Variants in COG5 observed in about 807,000 individuals in gnomAD.
COG5 encodes component of oligomeric golgi complex 5, also known as conserved oligomeric Golgi complex subunit 5.
In COG5, 86 loss-of-function variants were observed where a neutral mutation model predicts 110.4. That is an observed-to-expected ratio of 0.78 (90% confidence interval 0.65 to 0.93). The LOEUF is 0.93. Among genes scored for constraint, COG5 ranks in the 40% least tolerant of loss-of-function variants. COG5 has a pLI of 0.00. For missense variants in COG5, 1,077 were observed against 987.0 expected (o/e 1.09, Z -1.22); for synonymous variants, 360 against 334.6 (o/e 1.08, Z -0.83).
chr7:107,294,956 TATATAC>T (rs1168304826), intron 12 of COG5, among the ~76,000 whole-genome samples: 2 of 128,910 alleles, frequency 1.6e-5, no homozygotes, highest in African/African-American at 2.9e-5. Context: ...CACACATATA[TATATAC>T]ACACATATAT....
intron 6 of COG5, among the ~76,000 whole-genome samples, chr7:107,440,855 T>G (rs943287969): frequency 6.6e-6 from 1 of 152,166 alleles, no homozygotes; most frequent in African/African-American, 2.4e-5. Flanking sequence ...ATATATCTTT[T>G]CTATTTGGCT....
intron 17 of COG5, among the ~76,000 whole-genome samples, chr7:107,242,444 G>C (rs1171503650): frequency 6.6e-6 from 1 of 152,184 alleles, no homozygotes; most frequent in Admixed American, 6.5e-5. Flanking sequence ...ATGGGTACCT[G>C]TTCCCATATC....
intron 7 of COG5, among the ~76,000 whole-genome samples, chr7:107,411,476 G>A (rs1035820104): frequency 1.3e-5 from 2 of 152,014 alleles, no homozygotes; most frequent in African/African-American, 4.8e-5. Flanking sequence ...CTTTGGGGAA[G>A]CCAGAAGAGA....
At chr7:107,209,680 T>C (rs1188170707) in intron 21 of COG5, 2 of 323,146 alleles carry the variant, frequency 6.2e-6, no homozygotes, top group East Asian at 3.4e-4. Context: ...CAGATGGCTG[T>C]GGTGTAATGC....
chr7:107,291,277 A>C (rs567736766), intron 12 of COG5, among the ~76,000 whole-genome samples: 45 of 151,804 alleles, frequency 3.0e-4, no homozygotes, highest in African/African-American at 1.0e-3. Context: ...TGACTTGTGT[A>C]ATCTCTATCA....
intron 6 of COG5, among the ~76,000 whole-genome samples, chr7:107,414,397 G>A (rs1246186269): frequency 8.6e-5 from 13 of 152,034 alleles, no homozygotes; most frequent in Admixed American, 8.5e-4. Context: ...ATCTCCTTAG[G>A]AGAAAACTAT....
Position 107,210,509 on chromosome 7 carries a change from A to G in COG5, c.2375+17T>C. 3 of 1,585,484 alleles carry G rather than the reference A, an allele frequency of 1.9e-6. No homozygotes were observed. Among genetic ancestry groups the G allele is most frequent in the Non-Finnish European group, 2.6e-6 (3 of 1,165,452 alleles). On this transcript the variant is annotated intron_variant, in intron 21 of 21. Coordinates refer to ENST00000297135, the MANE Select transcript of COG5 (RefSeq NM_006348.5). ...GCTTCCAGACCAGATGGGTGCCCCCAGAGCACCTGGCTTTACCTGATGAGG... is the reference window on the plus strand; with the variant it reads ...GCTTCCAGACCAGATGGGTGCCCCCGGAGCACCTGGCTTTACCTGATGAGG...
intron 14 of COG5, among the ~76,000 whole-genome samples, chr7:107,271,493 T>C (rs566272009): frequency 6.6e-6 from 1 of 152,284 alleles, no homozygotes; most frequent in South Asian, 2.1e-4. Flanking sequence ...TGTAAAGTCT[T>C]GCCCATATTT....
At chr7:107,248,924 A>G (rs1215260324) in intron 16 of COG5, among the ~76,000 whole-genome samples, 1 of 152,188 alleles carries the variant, frequency 6.6e-6, no homozygotes, top group African/African-American at 2.4e-5. Context: ...AATATAATAA[A>G]CAGACATTGA....
chr7:107,559,219 C>T (rs753288404), intron 1 of COG5, among the ~76,000 whole-genome samples: 2 of 151,870 alleles, frequency 1.3e-5, no homozygotes, highest in Non-Finnish European at 2.9e-5. Context: ...AGACAGAAAA[C>T]AGAAGTAATA....
chr7:107,538,077 G>C (rs1158910572), intron 5 of COG5, among the ~76,000 whole-genome samples: 1 of 152,140 alleles, frequency 6.6e-6, no homozygotes, highest in Non-Finnish European at 1.5e-5. Flanking sequence ...ACAGGTGAAT[G>C]CCAGCAGCTG....
At chr7:107,319,900 G>A (rs1257920332) in intron 11 of COG5, among the ~76,000 whole-genome samples, 2 of 152,152 alleles carry the variant, frequency 1.3e-5, no homozygotes, top group Non-Finnish European at 2.9e-5. Flanking sequence ...GTTCAAGGCT[G>A]TAGCGTGCAA....
At chr7:107,443,428 A>G (rs988302695) in intron 6 of COG5, among the ~76,000 whole-genome samples, 2 of 152,098 alleles carry the variant, frequency 1.3e-5, no homozygotes, top group Admixed American at 6.6e-5. Flanking sequence ...AATCTACTAA[A>G]ATTAGTTTAT....
At chr7:107,231,318 AATT>A (rs1373979233) in intron 18 of COG5, among the ~76,000 whole-genome samples, 3 of 152,212 alleles carry the variant, frequency 2.0e-5, no homozygotes, top group Non-Finnish European at 4.4e-5. Context: ...AATTGTCAGC[AATT>A]ATTATCAGTG....
intron 11 of COG5, among the ~76,000 whole-genome samples, chr7:107,305,796 G>A (rs1807662967): frequency 6.6e-6 from 1 of 151,970 alleles, no homozygotes; most frequent in South Asian, 2.1e-4. Flanking sequence ...TATGACAGCT[G>A]CTTGTATCGT....
chr7:107,397,571 C>A (rs1791107039), intron 7 of COG5, among the ~76,000 whole-genome samples: 1 of 151,972 alleles, frequency 6.6e-6, no homozygotes, highest in Non-Finnish European at 1.5e-5. Context: ...AATAAAATCA[C>A]ATCTCATCTG....
intron 11 of COG5, among the ~76,000 whole-genome samples, chr7:107,314,569 C>T (rs891630239): frequency 4.8e-5 from 7 of 146,696 alleles, no homozygotes; most frequent in Non-Finnish European, 7.4e-5. Flanking sequence ...ACGGTGAAAC[C>T]CCATCTCTAC....
At chr7:107,303,998 C>T (rs2116949821) in intron 11 of COG5, among the ~76,000 whole-genome samples, 1 of 152,162 alleles carries the variant, frequency 6.6e-6, no homozygotes, top group Admixed American at 6.5e-5. Flanking sequence ...GGAAATTAAA[C>T]TCACATTAAA....
At chr7:107,324,879 A>G (rs1809631847) in intron 10 of COG5, among the ~76,000 whole-genome samples, 1 of 152,216 alleles carries the variant, frequency 6.6e-6, no homozygotes, top group African/African-American at 2.4e-5. Flanking sequence ...TGCCTGAAAT[A>G]CAATAAACTC....
Sources: allele counts gnomAD v4.1 joint callset (sites outside exome capture counted in the v4.1 genomes callset), GRCh38; gene constraint gnomAD v4.1.1; transcripts MANE v1.5; gene names NCBI Gene and HGNC (gene_info 2026-07-23, HGNC 2026-07-21).